The following PLXDC2 variants were observed in gnomAD, a reference collection of about 807,000 sequenced individuals.
PLXDC2 encodes plexin domain-containing protein 2.
Under a neutral mutation model 68.9 loss-of-function variants are expected in PLXDC2, and 40 were observed. The observed-to-expected ratio is 0.58, with a 90% CI of 0.45 to 0.76. PLXDC2 has a LOEUF of 0.76. Ranked by LOEUF, PLXDC2 falls within the 30% of genes least tolerant of loss-of-function variation. The probability of loss-of-function intolerance (pLI) is 0.00; values close to 1 mark genes in which losing one functional copy is unlikely to be tolerated. For missense variants in PLXDC2, 644 were observed against 661.9 expected (o/e 0.97, Z 0.30); for synonymous variants, 243 against 234.2 (o/e 1.04, Z -0.34).
At chr10:19,843,979 C>T (rs539094761) in intron 1 of PLXDC2, among the ~76,000 whole-genome samples, 10 of 152,122 alleles carry the variant, frequency 6.6e-5, no homozygotes, top group South Asian at 4.2e-4. Context: ...GATGGGTGCC[C>T]CAAATGCCCT....
chr10:19,987,892 T>C (rs1007527701), intron 1 of PLXDC2, among the ~76,000 whole-genome samples: 4 of 152,166 alleles, frequency 2.6e-5, no homozygotes, highest in Non-Finnish European at 4.4e-5. Context: ...TTATTTTACA[T>C]TTTTGTTAAC....
intron 1 of PLXDC2, among the ~76,000 whole-genome samples, chr10:19,849,970 T>C (rs1837083951): frequency 6.6e-6 from 1 of 152,142 alleles, no homozygotes; most frequent in Non-Finnish European, 1.5e-5. Context: ...AGTACGGCCA[T>C]CTCTAGCAGC....
chr10:20,162,060 G>A (rs1834301129), intron 6 of PLXDC2, among the ~76,000 whole-genome samples: 1 of 115,986 alleles, frequency 8.6e-6, no homozygotes, highest in Admixed American at 9.7e-5. Flanking sequence ...GAGAGAGAGA[G>A]AGAGAGAGAG....
At chr10:19,855,651 A>G (rs920068570) in intron 1 of PLXDC2, among the ~76,000 whole-genome samples, 8 of 152,230 alleles carry the variant, frequency 5.3e-5, no homozygotes, top group Admixed American at 2.0e-4. Context: ...TCCTTTGAGC[A>G]TCATGTCAGC....
rs563978343 is a variant in PLXDC2, at chr10:19,824,013, G to A, written c.112+6822G>A. Among the ~76,000 whole-genome samples the A allele has an allele frequency of 2.0e-5, 3 of 152,128 alleles. No homozygotes were observed. The East Asian group carries it at 5.8e-4, about 29-fold the overall frequency. On this transcript the variant is annotated intron_variant, in intron 1 of 13. Coordinates refer to ENST00000377252, the MANE Select transcript of PLXDC2 (RefSeq NM_032812.9). ...ACAGAGTGTGACCCTGTCTCAAAAA[G>A]TAAAATAATAAAAAATCTTGCTGTG...
intron 12 of PLXDC2, among the ~76,000 whole-genome samples, chr10:20,233,567 A>G (rs1835392810): frequency 6.6e-6 from 1 of 152,188 alleles, no homozygotes; most frequent in Non-Finnish European, 1.5e-5. Context: ...TTGAAGTCTC[A>G]GAAGCTCAGG....
intron 4 of PLXDC2, among the ~76,000 whole-genome samples, chr10:20,081,517 A>G (rs1381309262): frequency 6.6e-6 from 1 of 152,188 alleles, no homozygotes; most frequent in Non-Finnish European, 1.5e-5. Flanking sequence ...TCAGAAGAGA[A>G]GAAAAAGAGA....
At chr10:20,201,169 A>G (rs1244216079) in intron 9 of PLXDC2, among the ~76,000 whole-genome samples, 3 of 152,104 alleles carry the variant, frequency 2.0e-5, no homozygotes, top group Non-Finnish European at 2.9e-5. Flanking sequence ...AATGTAGTGT[A>G]TATATATACA....
intron 9 of PLXDC2, among the ~76,000 whole-genome samples, chr10:20,193,279 G>C (rs1408065359): frequency 6.6e-6 from 1 of 152,006 alleles, no homozygotes; most frequent in African/African-American, 2.4e-5. Context: ...CAGATAAATG[G>C]AGGATACATA....
rs962587679 is a variant in PLXDC2 at position 20,284,350 on chromosome 10, C to T, written c.*4531C>T. The stretch of plus-strand genomic sequence containing the variant: ...ATATATACACACACACACACACACA[C>T]ACAAATATACATATATATCAAATAT... On this transcript the variant is annotated 3_prime_UTR_variant, in exon 14 of 14. Transcript: ENST00000377252. The T allele has an allele frequency of 5.8e-5, 8 of 137,470 alleles. No homozygotes were observed. The highest frequency in any genetic ancestry group is 9.6e-5 in the Non-Finnish European group (6 of 62,636). 8.5% of individuals were successfully genotyped at this position (137,470 alleles called of 1,614,324 possible).
intron 12 of PLXDC2, among the ~76,000 whole-genome samples, chr10:20,223,909 C>A (rs1217911427): frequency 6.6e-6 from 1 of 151,086 alleles, no homozygotes; most frequent in East Asian, 1.9e-4. Context: ...TTTAAGCCTT[C>A]TTGGTTTCTC....
At chr10:20,033,191 TATAAAAAAATAAA>T (rs531406198) in intron 2 of PLXDC2, among the ~76,000 whole-genome samples, 3,005 of 150,780 alleles carry the variant, frequency 0.02, 92 homozygotes, top group African/African-American at 0.069. Flanking sequence ...ATAAAAAATA[TATAAAAAAATAAA>T]ATAAAAAAAT....
At chr10:20,004,397 T>A (rs1037011332) in intron 2 of PLXDC2, among the ~76,000 whole-genome samples, 4 of 152,128 alleles carry the variant, frequency 2.6e-5, no homozygotes, top group African/African-American at 7.2e-5. Context: ...ATTTTGGCAA[T>A]GATGATGTTA....
At chr10:19,974,180 A>G (rs894202090) in intron 1 of PLXDC2, among the ~76,000 whole-genome samples, 3 of 152,238 alleles carry the variant, frequency 2.0e-5, no homozygotes, top group African/African-American at 7.2e-5. Flanking sequence ...CAAATTATCT[A>G]GATTATGTGG....
chr10:19,929,760 C>T (rs1833595577), intron 1 of PLXDC2, among the ~76,000 whole-genome samples: 1 of 152,214 alleles, frequency 6.6e-6, no homozygotes, highest in Non-Finnish European at 1.5e-5. Context: ...AAAAAACTGC[C>T]TGTTGGTTGC....
At chr10:20,053,051 T>C (rs1224809501) in intron 3 of PLXDC2, among the ~76,000 whole-genome samples, 1 of 152,174 alleles carries the variant, frequency 6.6e-6, no homozygotes, top group African/African-American at 2.4e-5. Context: ...GGAAATAAAG[T>C]AAGTTTTCCC....
Position 20,274,545 on chromosome 10 carries a change from G to A in PLXDC2, c.1474-5158G>A, listed in dbSNP as rs540050189. Among the ~76,000 whole-genome samples, 14 of 152,224 alleles carry A rather than the reference G, an allele frequency of 9.2e-5. No individual in the cohort carries two copies. The South Asian group carries it at 1.9e-3, about 20-fold the overall frequency. ...GAGATGAGCTGACGCAGGAAAATAAGGCAACTTCCACACCAGGAAGAATCA... is the reference window on the plus strand; with the variant it reads ...GAGATGAGCTGACGCAGGAAAATAAAGCAACTTCCACACCAGGAAGAATCA... On this transcript the variant is annotated intron_variant, in intron 13 of 13. Transcript: ENST00000377252.
chr10:20,289,594 T>A lies in PLXDC2; in HGVS notation c.*9775T>A, dbSNP rs1836203527. On this transcript the variant is annotated 3_prime_UTR_variant, in exon 14 of 14. Coordinates refer to ENST00000377252, the MANE Select transcript of PLXDC2 (RefSeq NM_032812.9). ...GTGTAAAGCAAGATGTCTCCAATTC[T>A]GAATATTCCTTCCCCTTTTCCCAAT... The A allele has an allele frequency of 6.6e-6, 1 of 152,222 alleles. No individual in the cohort carries two copies. The highest frequency in any genetic ancestry group is 1.5e-5 in the Non-Finnish European group (1 of 68,054). 9.4% of individuals were successfully genotyped at this position (152,222 alleles called of 1,614,324 possible).
chr10:19,924,426 G>A (rs768440242), intron 1 of PLXDC2, among the ~76,000 whole-genome samples: 5 of 151,998 alleles, frequency 3.3e-5, no homozygotes, highest in Non-Finnish European at 5.9e-5. Flanking sequence ...ATAATTTACC[G>A]ATTTCCTTTG....
Sources: gnomAD v4.1 joint callset for allele counts (sites outside exome capture counted in the v4.1 genomes callset) on GRCh38, gnomAD v4.1.1 for gene constraint, MANE v1.5 for transcripts, NCBI Gene and HGNC (gene_info 2026-07-23, HGNC 2026-07-21) for gene names.